Variants in USP34 observed in about 807,000 individuals in gnomAD.
USP34 encodes ubiquitin carboxyl-terminal hydrolase 34.
USP34 carries 70 observed loss-of-function variants against 460.3 expected under a neutral mutation model. That is an observed-to-expected ratio of 0.15 (90% CI 0.13 to 0.19). The LOEUF is 0.19. Among genes scored for constraint, USP34 ranks in the 10% least tolerant of loss-of-function variants. USP34 has a pLI of 1.00. For synonymous variants in USP34, 1,647 were observed against 1,405.3 expected (o/e 1.17, Z -3.85); for missense variants, 3,985 against 4,236.2 (o/e 0.94, Z 1.65).
chr2:61,194,022 A>G, intron 75 of USP34: 1 of 703,468 alleles, frequency 1.4e-6, no homozygotes, highest in Non-Finnish European at 1.7e-6. Flanking sequence ...ATTTAAAAAT[A>G]TGAAAACTAT....
At chr2:61,375,908 T>A (rs556472096) in intron 8 of USP34, among the ~76,000 whole-genome samples, 1 of 151,602 alleles carries the variant, frequency 6.6e-6, no homozygotes, top group South Asian at 2.1e-4. Context: ...AACTACAATC[T>A]CAATGAACCT....
intron 21 of USP34, among the ~76,000 whole-genome samples, chr2:61,319,714 G>A (rs779575662): frequency 1.3e-5 from 2 of 152,094 alleles, no homozygotes; most frequent in Non-Finnish European, 2.9e-5. Flanking sequence ...GCATGGTGGC[G>A]TGTGCCTGTA....
intron 2 of USP34, chr2:61,417,415 A>T: frequency 2.2e-6 from 1 of 452,088 alleles, no homozygotes; most frequent in South Asian, 2.3e-5. Flanking sequence ...TGTGACAGCT[A>T]TATGACTGTT....
chr2:61,248,934 G>C (rs910338084), intron 48 of USP34, among the ~76,000 whole-genome samples: 7 of 152,090 alleles, frequency 4.6e-5, no homozygotes, highest in African/African-American at 1.7e-4. Context: ...TAGAAATTAG[G>C]CACAGCAAGA....
intron 49 of USP34, 80 bp downstream of exon 49, chr2:61,248,431 A>G: frequency 7.1e-7 from 1 of 1,415,630 alleles, no homozygotes; most frequent in Non-Finnish European, 9.5e-7. Context: ...TGTGTAGTTG[A>G]TGACAACTTT....
At chr2:61,325,289 A>AC in intron 21 of USP34, 86 bp downstream of exon 21, 1 of 842,820 alleles carries the variant, frequency 1.2e-6, no homozygotes. Context: ...AAAAAAAAAA[A>AC]AACTGCAGAA....
intron 27 of USP34, among the ~76,000 whole-genome samples, chr2:61,310,683 A>C (rs1380365776): frequency 6.7e-6 from 1 of 150,250 alleles, no homozygotes; most frequent in African/African-American, 2.4e-5. Context: ...ATACATATAC[A>C]TATATATATA....
At chr2:61,354,433 A>AT (rs1447926625) in intron 10 of USP34, among the ~76,000 whole-genome samples, 1 of 152,250 alleles carries the variant, frequency 6.6e-6, no homozygotes, top group Non-Finnish European at 1.5e-5. Flanking sequence ...AAATTAAGAC[A>AT]TTCGCAGAAA....
chr2:61,449,188 G>A lies in USP34; in HGVS notation c.43+21462C>T, dbSNP rs577545626. ...GAGGGACAGGAGGGACAAGAGGAGC[G>A]CTCGAACCTGGAAGGCAGAAGTCAT... On this transcript the variant is annotated intron_variant, in intron 1 of 79. Coordinates refer to ENST00000398571, the MANE Select transcript of USP34 (RefSeq NM_014709.4). 4.0e-5 allele frequency among the ~76,000 whole-genome samples: 6 copies of A among 151,200 alleles called. No homozygotes were observed. In the South Asian group the frequency reaches 6.3e-4, roughly 16 times the overall value.
In USP34 at chr2:61,392,100, G is replaced by A. The variant is rs569075063; in HGVS notation, c.753+2753C>T. Among the ~76,000 whole-genome samples, 6 of 152,274 alleles carry A rather than the reference G, an allele frequency of 3.9e-5. No individual in the cohort carries two copies. In the South Asian group the frequency reaches 1.2e-3, roughly 32 times the overall value. Reference sequence around the variant, plus strand: ...AAGAGAAAGATAAAACAGAATCTAAGCCTAAACCTTTGTATTTAGTAAAGG... The same window carrying A: ...AAGAGAAAGATAAAACAGAATCTAAACCTAAACCTTTGTATTTAGTAAAGG... On this transcript the variant is annotated intron_variant, in intron 5 of 79. Coordinates refer to ENST00000398571, the MANE Select transcript of USP34 (RefSeq NM_014709.4).
At chr2:61,394,412 T>C (rs1693451502) in intron 5 of USP34, among the ~76,000 whole-genome samples, 1 of 151,438 alleles carries the variant, frequency 6.6e-6, no homozygotes, top group Admixed American at 6.6e-5. Context: ...GTACAAAAAT[T>C]CAGCCAGGCA....
intron 5 of USP34, among the ~76,000 whole-genome samples, chr2:61,391,493 T>C (rs1336854918): frequency 6.6e-6 from 1 of 152,130 alleles, no homozygotes; most frequent in Admixed American, 6.5e-5. Context: ...GCCACAAAAG[T>C]GATTTATGAG....
chr2:61,246,997 A>G (rs1234050027), intron 49 of USP34, among the ~76,000 whole-genome samples: 1 of 152,186 alleles, frequency 6.6e-6, no homozygotes, highest in Non-Finnish European at 1.5e-5. Context: ...AAAAAAAGGA[A>G]AACGAACCAA....
chr2:61,385,541 G>A (rs944070144), intron 5 of USP34, among the ~76,000 whole-genome samples: 6 of 151,534 alleles, frequency 4.0e-5, no homozygotes, highest in Non-Finnish European at 8.8e-5. Flanking sequence ...ACGTGGTGGC[G>A]GGCGCCTGTA....
intron 8 of USP34, among the ~76,000 whole-genome samples, chr2:61,373,126 A>G (rs1183392077): frequency 6.6e-6 from 1 of 152,196 alleles, no homozygotes; most frequent in Non-Finnish European, 1.5e-5. Flanking sequence ...AATGTCAAGA[A>G]GTTGAATGCA....
At chr2:61,232,673 A>G (rs749762809) in intron 57 of USP34, 141 bp from the exon 58 acceptor site, 11 of 693,250 alleles carry the variant, frequency 1.6e-5, no homozygotes, top group Non-Finnish European at 2.7e-5. Context: ...AATTGTCATA[A>G]AAGTCAAACT....
intron 10 of USP34, among the ~76,000 whole-genome samples, chr2:61,368,306 C>T (rs773031902): frequency 6.6e-6 from 1 of 152,132 alleles, no homozygotes; most frequent in Non-Finnish European, 1.5e-5. Context: ...GTGGCGCGTG[C>T]CTGTAATCCC....
chr2:61,397,159 G>A (rs1459550030), intron 3 of USP34, among the ~76,000 whole-genome samples: 1 of 152,068 alleles, frequency 6.6e-6, no homozygotes, highest in Non-Finnish European at 1.5e-5. Flanking sequence ...TTTTCACACT[G>A]AGGCCGGGCA....
chr2:61,241,687 T>C, intron 52 of USP34, 32 bp from the exon 53 acceptor site: 1 of 1,554,858 alleles, frequency 6.4e-7, no homozygotes, highest in Middle Eastern at 1.7e-4. Context: ...TTTATTTTCA[T>C]TTTGACAAAG....
Sources: gnomAD v4.1 joint callset for allele counts (sites outside exome capture counted in the v4.1 genomes callset) on GRCh38, gnomAD v4.1.1 for gene constraint, MANE v1.5 for transcripts, NCBI Gene and HGNC (gene_info 2026-07-23, HGNC 2026-07-21) for gene names.